Variants in CARD8 observed in about 807,000 individuals in gnomAD.
CARD8 encodes caspase recruitment domain-containing protein 8.
CARD8 carries 38 observed loss-of-function variants against 53.2 expected under a neutral mutation model. The observed-to-expected ratio is 0.71, with a 90% CI of 0.55 to 0.94. The LOEUF (loss-of-function observed/expected upper bound fraction) is 0.94. CARD8 is among the 40% of genes least tolerant of loss of function. CARD8 has a pLI of 0.00. For missense variants in CARD8, 561 were observed against 655.5 expected, an observed-to-expected ratio of 0.86 and a Z score of 1.57; for synonymous variants, 245 against 244.9, an observed-to-expected ratio of 1.00 and a Z score of 0.00.
intron 3 of CARD8, among the ~76,000 whole-genome samples, chr19:48,248,919 C>T (rs2046545866): frequency 2.6e-5 from 4 of 152,244 alleles, no homozygotes; most frequent in Admixed American, 1.3e-4. Flanking sequence ...ACTATTGGGC[C>T]GGGCACGGTG....
intron 13 of CARD8, among the ~76,000 whole-genome samples, chr19:48,214,259 A>C (rs73578133): frequency 1.9e-3 from 287 of 152,186 alleles, no homozygotes; most frequent in African/African-American, 6.7e-3. Context: ...AGGACTCCTC[A>C]CCCCACCAGA....
At chr19:48,251,568 T>A (rs1418931348) in intron 1 of CARD8, among the ~76,000 whole-genome samples, 1 of 152,250 alleles carries the variant, frequency 6.6e-6, no homozygotes, top group Non-Finnish European at 1.5e-5. Flanking sequence ...GTTGTCAAAC[T>A]AGGCCATACA....
intron 3 of CARD8, among the ~76,000 whole-genome samples, chr19:48,244,277 T>C (rs1165453371): frequency 2.6e-5 from 4 of 152,116 alleles, no homozygotes; most frequent in African/African-American, 7.3e-5. Context: ...TGTCTATTAC[T>C]GAGTATCAAT....
intron 4 of CARD8, among the ~76,000 whole-genome samples, chr19:48,238,897 T>C (rs1476372059): frequency 2.0e-5 from 3 of 152,214 alleles, no homozygotes; most frequent in African/African-American, 7.2e-5. Context: ...TTGAACTAAC[T>C]GCATTGCTGT....
downstream of CARD8, among the ~76,000 whole-genome samples, chr19:48,207,858 C>A (rs1407714130): frequency 6.7e-6 from 1 of 149,898 alleles, no homozygotes; most frequent in Non-Finnish European, 1.5e-5. Context: ...GCCTTAGCCT[C>A]CCGAGCAGCT....
chr19:48,235,595 G>C (rs891502136), intron 5 of CARD8, among the ~76,000 whole-genome samples: 1 of 152,150 alleles, frequency 6.6e-6, no homozygotes, highest in African/African-American at 2.4e-5. Flanking sequence ...GAGGTCTCAG[G>C]CTGGTCTTGA....
At chr19:48,226,114 C>G (rs2041741628) in intron 10 of CARD8, among the ~76,000 whole-genome samples, 1 of 149,830 alleles carries the variant, frequency 6.7e-6, no homozygotes, top group South Asian at 2.1e-4. Flanking sequence ...GATTCATGTT[C>G]TAAGTGTAAC....
At chr19:48,254,839 C>T (rs1252387920) in intron 1 of CARD8, among the ~76,000 whole-genome samples, 1 of 152,198 alleles carries the variant, frequency 6.6e-6, no homozygotes, top group African/African-American at 2.4e-5. Context: ...CACAACCTTA[C>T]ATAAAGGTCT....
chr19:48,253,788 G>A lies in CARD8; in HGVS notation c.-252+2004C>T, dbSNP rs192290523. 4.1e-4 allele frequency among the ~76,000 whole-genome samples: 62 copies of A among 152,198 alleles called. No individual in the cohort carries two copies. In the East Asian group the frequency reaches 7.4e-3, roughly 18 times the overall value. On this transcript the variant is annotated intron_variant, in intron 1 of 13. Coordinates refer to ENST00000651546, the MANE Select transcript of CARD8 (RefSeq NM_001184900.3). The stretch of plus-strand genomic sequence containing the variant: ...CTTTCAATATGTATATAGTATACAC[G>A]GGTAGAATGATAAACAGATATAGAA...
downstream of CARD8, chr19:48,206,524 T>C (rs1245557723): frequency 8.7e-6 from 4 of 461,034 alleles, no homozygotes; most frequent in Non-Finnish European, 1.8e-5. Context: ...CTCACTCCTG[T>C]GATAACAAGA....
intron 12 of CARD8, among the ~76,000 whole-genome samples, chr19:48,217,378 G>C (rs1424380132): frequency 1.3e-5 from 2 of 152,154 alleles, no homozygotes; most frequent in Non-Finnish European, 2.9e-5. Flanking sequence ...TCCACAACAT[G>C]TACTCACACA....
intron 7 of CARD8, 130 bp from the exon 8 acceptor site, chr19:48,231,940 A>G: frequency 1.2e-6 from 1 of 804,914 alleles, no homozygotes. Flanking sequence ...GAGTGACCAG[A>G]ATATGCAGTT....
chr19:48,229,314 T>C (rs1381150046), intron 10 of CARD8, among the ~76,000 whole-genome samples: 1 of 152,026 alleles, frequency 6.6e-6, no homozygotes, highest in Non-Finnish European at 1.5e-5. Flanking sequence ...AGTAAGCATA[T>C]GAGATTTGGG....
intron 12 of CARD8, among the ~76,000 whole-genome samples, chr19:48,216,980 C>A (rs1336091134): frequency 4.6e-5 from 7 of 152,042 alleles, no homozygotes; most frequent in African/African-American, 1.7e-4. Context: ...GGTCCCATCT[C>A]GGGGTGATGG....
chr19:48,205,664 A>C (rs1037899077), downstream of CARD8, among the ~76,000 whole-genome samples: 1 of 152,182 alleles, frequency 6.6e-6, no homozygotes, highest in African/African-American at 2.4e-5. Context: ...ACAGATGAGG[A>C]AACTGCACCA....
intron 10 of CARD8, chr19:48,223,861 A>G (rs192046885): frequency 4.4e-6 from 2 of 456,246 alleles, no homozygotes; most frequent in Non-Finnish European, 8.8e-6. Context: ...CAGCCTCTAA[A>G]ATAGTGTCTG....
At chr19:48,232,705 A>G (rs2043137254) in intron 6 of CARD8, 2 of 675,582 alleles carry the variant, frequency 3.0e-6, no homozygotes, top group East Asian at 2.8e-5. Flanking sequence ...ACAGCTACAT[A>G]TCACTCACGG....
Position 48,224,240 on chromosome 19 carries a change from G to A in CARD8, c.1036-2385C>T, listed in dbSNP as rs182996678. ...CTCCCAAAGTGCTGGGATTACAGGC[G>A]TGACCAAATGCAATTTTTAATTTCA... On this transcript the variant is annotated intron_variant, in intron 10 of 13. Coordinates refer to ENST00000651546, the MANE Select transcript of CARD8 (RefSeq NM_001184900.3). Among the ~76,000 whole-genome samples the A allele has an allele frequency of 2.2e-3, 334 of 152,122 alleles. 2 individuals carry two copies. The highest frequency in any genetic ancestry group is 4.0e-3 in the Non-Finnish European group (270 of 67,982).
chr19:48,216,293 T>C (rs974671723), intron 12 of CARD8, among the ~76,000 whole-genome samples: 4 of 152,214 alleles, frequency 2.6e-5, no homozygotes, highest in African/African-American at 9.6e-5. Context: ...GTGAACTAGA[T>C]TGCATTCTAG....
Sources: allele counts gnomAD v4.1 joint callset (sites outside exome capture counted in the v4.1 genomes callset), GRCh38; gene constraint gnomAD v4.1.1; transcripts MANE v1.5; gene names NCBI Gene and HGNC (gene_info 2026-07-23, HGNC 2026-07-21).